Variants in THSD7B observed in about 807,000 individuals in gnomAD.
THSD7B encodes the protein thrombospondin type 1 domain containing 7B.
Under a neutral mutation model 213.6 loss-of-function variants are expected in THSD7B, and 138 were observed. That is an observed-to-expected ratio of 0.65 (90% CI 0.56 to 0.74). The LOEUF is 0.74. Among genes scored for constraint, THSD7B ranks in the 30% least tolerant of loss-of-function variants. The probability of loss-of-function intolerance (pLI) is 0.00; values close to 1 mark genes in which losing one functional copy is unlikely to be tolerated. For missense variants in THSD7B, 1,931 were observed against 1,991.5 expected, an observed-to-expected ratio of 0.97 and a Z score of 0.58; for synonymous variants, 742 against 687.0, an observed-to-expected ratio of 1.08 and a Z score of -1.25.
At chr2:137,672,328 A>T (rs1233499338) in intron 27 of THSD7B, among the ~76,000 whole-genome samples, 1 of 152,216 alleles carries the variant, frequency 6.6e-6, no homozygotes, top group African/African-American at 2.4e-5. Context: ...TGGTAGAATC[A>T]ACCCCAGGTT....
At chr2:137,528,196 G>A (rs568498175) in intron 15 of THSD7B, among the ~76,000 whole-genome samples, 2 of 152,168 alleles carry the variant, frequency 1.3e-5, no homozygotes, top group South Asian at 2.1e-4. Flanking sequence ...GCCCAAAATT[G>A]GGGTTTGTTG....
At chr2:137,606,261 G>A (rs1448524227) in intron 17 of THSD7B, among the ~76,000 whole-genome samples, 5 of 152,156 alleles carry the variant, frequency 3.3e-5, no homozygotes, top group Non-Finnish European at 7.4e-5. Flanking sequence ...CCTGTATGAG[G>A]AGAGCCCAGA....
chr2:136,839,408 G>T (rs941299481), intron 1 of THSD7B, among the ~76,000 whole-genome samples: 1 of 152,172 alleles, frequency 6.6e-6, no homozygotes, highest in African/African-American at 2.4e-5. Context: ...AAAACTCTGT[G>T]ATCAGAGTTC....
intron 2 of THSD7B, among the ~76,000 whole-genome samples, chr2:137,053,869 T>A (rs1233202311): frequency 6.6e-6 from 1 of 152,226 alleles, no homozygotes; most frequent in Non-Finnish European, 1.5e-5. Context: ...TGTTTTATAT[T>A]ATTCAAGATT....
At position 137,303,694 on chromosome 2, in the gene THSD7B, TTATA is replaced by T. The variant is rs371066803; in HGVS notation, c.2500+27674_2500+27677del. On this transcript the variant is annotated intron_variant, in intron 12 of 27. Coordinates refer to ENST00000409968, the MANE Select transcript of THSD7B (RefSeq NM_001316349.2). ...TATTAATATATATATTTATATATAT[TTATA>T]TATATTTATATATATATTTATATAT... Among the ~76,000 whole-genome samples the T allele has an allele frequency of 7.7e-3, 726 of 93,948 alleles. 56 individuals carry two copies. Among genetic ancestry groups the T allele is most frequent in the African/African-American group, 0.035 (707 of 20,024 alleles). 61.6% of individuals were successfully genotyped at this position (93,948 alleles called of 152,430 possible).
chr2:137,597,534 G>A (rs1251538340), intron 17 of THSD7B, among the ~76,000 whole-genome samples: 2 of 151,712 alleles, frequency 1.3e-5, no homozygotes, highest in Non-Finnish European at 2.9e-5. Flanking sequence ...TGGAATCGTG[G>A]GAAGAATGGT....
chr2:136,982,901 A>G (rs1685606540), intron 2 of THSD7B, among the ~76,000 whole-genome samples: 1 of 152,150 alleles, frequency 6.6e-6, no homozygotes, highest in South Asian at 2.1e-4. Context: ...GAATAATCCA[A>G]AAATTATGCA....
intron 15 of THSD7B, among the ~76,000 whole-genome samples, chr2:137,518,248 C>A (rs1680111891): frequency 1.3e-5 from 2 of 152,124 alleles, no homozygotes; most frequent in Non-Finnish European, 2.9e-5. Flanking sequence ...AAGACCAGGG[C>A]CTGGTTCACA....
chr2:137,528,022 G>C (rs1254291334), intron 15 of THSD7B, among the ~76,000 whole-genome samples: 1 of 152,050 alleles, frequency 6.6e-6, no homozygotes, highest in Non-Finnish European at 1.5e-5. Context: ...AATCAGCTGG[G>C]CTTGAGTTTT....
rs375055931 is a variant in THSD7B, at chr2:137,257,128, A to C, written c.2266+14556A>C. 3.9e-4 allele frequency among the ~76,000 whole-genome samples: 60 copies of C among 152,318 alleles called. 3 individuals are homozygous for C. The South Asian group carries it at 0.012, about 32-fold the overall frequency. On this transcript the variant is annotated intron_variant, in intron 10 of 27. Coordinates refer to ENST00000409968, the MANE Select transcript of THSD7B (RefSeq NM_001316349.2). ...CATAAATAAAATCCAGTCACCTCTT[A>C]AAGGAGCCACCTCTCACTTCTGCCA...
intron 1 of THSD7B, among the ~76,000 whole-genome samples, chr2:136,865,091 CA>C (rs1448650103): frequency 6.6e-6 from 1 of 152,150 alleles, no homozygotes; most frequent in Non-Finnish European, 1.5e-5. Flanking sequence ...TTGCCCTGTC[CA>C]AATCCCCTTT....
intron 1 of THSD7B, among the ~76,000 whole-genome samples, chr2:136,835,795 G>T (rs1055691095): frequency 6.6e-6 from 1 of 152,104 alleles, no homozygotes; most frequent in African/African-American, 2.4e-5. Flanking sequence ...GGCCCAAGAA[G>T]AGAAACTGGT....
chr2:137,066,437 G>T (rs746412106), intron 3 of THSD7B, among the ~76,000 whole-genome samples: 8 of 151,816 alleles, frequency 5.3e-5, no homozygotes, highest in Non-Finnish European at 1.2e-4. Context: ...TAAATAATCT[G>T]CCCACTTCGG....
chr2:137,084,951 C>A (rs768354214), intron 3 of THSD7B, among the ~76,000 whole-genome samples: 7 of 152,042 alleles, frequency 4.6e-5, no homozygotes, highest in Non-Finnish European at 8.8e-5. Context: ...TAAAAATTAC[C>A]CCCTTACCTA....
intron 5 of THSD7B, among the ~76,000 whole-genome samples, chr2:137,149,818 A>T (rs1679779236): frequency 6.6e-6 from 1 of 152,142 alleles, no homozygotes; most frequent in South Asian, 2.1e-4. Context: ...CTTGCTTTTG[A>T]TTTTATAGGC....
intron 2 of THSD7B, among the ~76,000 whole-genome samples, chr2:136,893,005 G>T (rs145995454): frequency 6.6e-6 from 1 of 151,998 alleles, no homozygotes; most frequent in Non-Finnish European, 1.5e-5. Flanking sequence ...ATCATTTAAT[G>T]CTTTTAACTG....
intron 17 of THSD7B, among the ~76,000 whole-genome samples, chr2:137,605,291 A>G (rs1355215701): frequency 6.6e-6 from 1 of 152,190 alleles, no homozygotes; most frequent in Non-Finnish European, 1.5e-5. Flanking sequence ...TCATGTCTGT[A>G]TACTCCTTCA....
intron 3 of THSD7B, among the ~76,000 whole-genome samples, chr2:137,082,951 C>T (rs2104906305): frequency 6.6e-6 from 1 of 152,200 alleles, no homozygotes; most frequent in Middle Eastern, 3.4e-3. Flanking sequence ...CTCAGTATGT[C>T]TGTGTGCTTA....
At chr2:136,975,163 T>C (rs1156277298) in intron 2 of THSD7B, among the ~76,000 whole-genome samples, 1 of 152,042 alleles carries the variant, frequency 6.6e-6, no homozygotes, top group Non-Finnish European at 1.5e-5. Flanking sequence ...TTCACTCTGA[T>C]GATAGTTTCT....
Sources: allele counts gnomAD v4.1 joint callset (sites outside exome capture counted in the v4.1 genomes callset), GRCh38; gene constraint gnomAD v4.1.1; transcripts MANE v1.5; gene names NCBI Gene and HGNC (gene_info 2026-07-23, HGNC 2026-07-21).